Variants in PIP4K2A observed in about 807,000 individuals in gnomAD.
PIP4K2A encodes the protein phosphatidylinositol-5-phosphate 4-kinase type 2 alpha.
PIP4K2A carries 14 observed loss-of-function variants against 42.9 expected under a neutral mutation model. The observed-to-expected ratio is 0.33, with a 90% CI of 0.22 to 0.51. The LOEUF (loss-of-function observed/expected upper bound fraction) is 0.51, where lower values mean the gene tolerates loss of function less well. Among genes scored for constraint, PIP4K2A ranks in the 20% least tolerant of loss-of-function variants. The probability of loss-of-function intolerance (pLI) is 0.97; values close to 1 mark genes in which losing one functional copy is unlikely to be tolerated. For missense variants in PIP4K2A, 434 were observed against 519.8 expected (o/e 0.83, Z 1.61); for synonymous variants, 192 against 192.2 (o/e 1.00, Z 0.01).
rs116187260 is a variant in PIP4K2A, at chr10:22,651,575, C to G, written c.145-41858G>C. On this transcript the variant is annotated intron_variant, in intron 1 of 9. Transcript: ENST00000376573. ...ATCTTCCTCCAGGAGACTTCCTAGG[C>G]GTCCACACCACCTCCACTTTAGACT... Among the ~76,000 whole-genome samples the G allele has an allele frequency of 9.3e-3, 1,414 of 152,334 alleles. 15 individuals are homozygous for G. Among genetic ancestry groups the G allele is most frequent in the African/African-American group, 0.032 (1,325 of 41,580 alleles).
chr10:22,563,951 G>C lies in PIP4K2A; in HGVS notation c.678+3900C>G, dbSNP rs183600542. 1.6e-3 allele frequency among the ~76,000 whole-genome samples: 242 copies of C among 152,250 alleles called. 2 individuals carry two copies. The highest frequency in any genetic ancestry group is 4.6e-3 in the African/African-American group (190 of 41,528). ...TAGGGAGATGTTTGAAGGAATGATG[G>C]CTACGTGTTCATATTAGATACAGGA... On this transcript the variant is annotated intron_variant, in intron 6 of 9. Transcript: ENST00000376573.
chr10:22,614,321 G>C (rs962824012), intron 1 of PIP4K2A, among the ~76,000 whole-genome samples: 3 of 152,238 alleles, frequency 2.0e-5, no homozygotes, highest in African/African-American at 7.2e-5. Flanking sequence ...AGATCATATA[G>C]TCTAACCTCT....
At chr10:22,625,328 A>C (rs1838415688) in intron 1 of PIP4K2A, among the ~76,000 whole-genome samples, 1 of 152,212 alleles carries the variant, frequency 6.6e-6, no homozygotes, top group South Asian at 2.1e-4. Context: ...CGGAGAGCAA[A>C]AGATTTTCTG....
Position 22,714,484 on chromosome 10 carries a change from G to C in PIP4K2A, c.-158C>G, listed in dbSNP as rs916435771. On this transcript the variant is annotated 5_prime_UTR_variant, in exon 1 of 10. Coordinates refer to ENST00000376573, the MANE Select transcript of PIP4K2A (RefSeq NM_005028.5). ...GCCGCCGGCGCGCTCAGCCCCACTC[G>C]GCTCGCTCCGCCCGCTCGGCCCGGC... The C allele has an allele frequency of 3.2e-5, 7 of 221,528 alleles. No homozygotes were observed. Among genetic ancestry groups the C allele is most frequent in the Non-Finnish European group, 5.2e-5 (7 of 134,556 alleles). The allele number at this position is 221,528 out of a possible 1,614,324, so 13.7% of individuals were successfully genotyped here.
At chr10:22,669,129 G>A (rs1296009286) in intron 1 of PIP4K2A, among the ~76,000 whole-genome samples, 2 of 152,140 alleles carry the variant, frequency 1.3e-5, no homozygotes, top group African/African-American at 4.8e-5. Context: ...ATAGGGAAGT[G>A]TCACAGTACT....
At chr10:22,692,599 T>A (rs1839895442) in intron 1 of PIP4K2A, among the ~76,000 whole-genome samples, 1 of 152,234 alleles carries the variant, frequency 6.6e-6, no homozygotes, top group Admixed American at 6.5e-5. Context: ...TCTCTTTTCC[T>A]AGACGTTGTC....
intron 4 of PIP4K2A, among the ~76,000 whole-genome samples, chr10:22,585,424 C>T (rs2130813163): frequency 6.6e-6 from 1 of 152,164 alleles, no homozygotes; most frequent in South Asian, 2.1e-4. Context: ...TCAATTTTAC[C>T]CATTTATCGA....
At chr10:22,649,418 G>A (rs1192108105) in intron 1 of PIP4K2A, among the ~76,000 whole-genome samples, 1 of 152,208 alleles carries the variant, frequency 6.6e-6, no homozygotes, top group Non-Finnish European at 1.5e-5. Flanking sequence ...TGGAGTTACT[G>A]TTGAACTTGA....
intron 7 of PIP4K2A, 25 bp downstream of exon 7, chr10:22,550,634 T>G (rs369574294): frequency 8.6e-7 from 1 of 1,159,978 alleles, no homozygotes; most frequent in Non-Finnish European, 1.3e-6. Context: ...ACAATGAGTC[T>G]GGCCTCTCCA....
intron 6 of PIP4K2A, among the ~76,000 whole-genome samples, chr10:22,567,156 A>G (rs1263964427): frequency 6.6e-6 from 1 of 152,244 alleles, no homozygotes; most frequent in African/African-American, 2.4e-5. Flanking sequence ...TACCCTTTAT[A>G]TAAGCATGTG....
chr10:22,599,318 C>G (rs1837699388), intron 3 of PIP4K2A, among the ~76,000 whole-genome samples: 1 of 152,218 alleles, frequency 6.6e-6, no homozygotes, highest in African/African-American at 2.4e-5. Context: ...ACTCCCATTC[C>G]TTCCCCTATC....
At chr10:22,666,019 A>C (rs1237879956) in intron 1 of PIP4K2A, among the ~76,000 whole-genome samples, 4 of 152,096 alleles carry the variant, frequency 2.6e-5, no homozygotes, top group Non-Finnish European at 5.9e-5. Context: ...AACATTCTCT[A>C]CAATGTCTGA....
At chr10:22,542,229 C>T (rs1240925550) in intron 7 of PIP4K2A, among the ~76,000 whole-genome samples, 182 bp from the exon 8 acceptor site, 1 of 151,844 alleles carries the variant, frequency 6.6e-6, no homozygotes, top group Admixed American at 6.6e-5. Flanking sequence ...AATGTAGCCT[C>T]ACACTTCAGG....
chr10:22,657,252 T>C (rs1212256940), intron 1 of PIP4K2A, among the ~76,000 whole-genome samples: 3 of 152,270 alleles, frequency 2.0e-5, no homozygotes, highest in Non-Finnish European at 4.4e-5. Context: ...CGCAGTACTT[T>C]TTCCTCCCTC....
At chr10:22,637,795 G>A (rs561113688) in intron 1 of PIP4K2A, among the ~76,000 whole-genome samples, 1 of 152,228 alleles carries the variant, frequency 6.6e-6, no homozygotes, top group South Asian at 2.1e-4. Flanking sequence ...CCCACAAAAC[G>A]TGTTCATTCA....
At chr10:22,635,498 C>T (rs966381641) in intron 1 of PIP4K2A, among the ~76,000 whole-genome samples, 5 of 152,148 alleles carry the variant, frequency 3.3e-5, no homozygotes, top group African/African-American at 1.2e-4. Context: ...GAGACTGTTA[C>T]CCACTGAGTT....
At chr10:22,606,670 AG>A (rs1229551458) in intron 3 of PIP4K2A, among the ~76,000 whole-genome samples, 1 of 152,236 alleles carries the variant, frequency 6.6e-6, no homozygotes, top group Admixed American at 6.5e-5. Flanking sequence ...TATTCTTCAG[AG>A]GAAAATACAG....
At chr10:22,666,330 G>C (rs926462618) in intron 1 of PIP4K2A, among the ~76,000 whole-genome samples, 2 of 152,092 alleles carry the variant, frequency 1.3e-5, no homozygotes, top group East Asian at 1.9e-4. Context: ...CAGTTTTTAT[G>C]ATGGCCATCT....
chr10:22,673,475 G>C (rs1332057775), intron 1 of PIP4K2A, among the ~76,000 whole-genome samples: 1 of 152,074 alleles, frequency 6.6e-6, no homozygotes, highest in African/African-American at 2.4e-5. Context: ...ATCAAGCCCA[G>C]GGTATATTAA....
Sources: allele counts gnomAD v4.1 joint callset (sites outside exome capture counted in the v4.1 genomes callset), GRCh38; gene constraint gnomAD v4.1.1; transcripts MANE v1.5; gene names NCBI Gene and HGNC (gene_info 2026-07-23, HGNC 2026-07-21).